FNBP4: variants seen among roughly 807,000 people sequenced by gnomAD.
FNBP4 encodes the protein formin binding protein 4, also known as formin-binding protein 4.
A neutral mutation model predicts 119.3 loss-of-function variants in FNBP4; 34 were observed. That is an observed-to-expected ratio of 0.28 (90% CI 0.22 to 0.38). FNBP4 has a LOEUF of 0.38. Ranked by LOEUF, FNBP4 falls within the 10% of genes least tolerant of loss-of-function variation. The pLI is 1.00. For synonymous variants in FNBP4, 462 were observed against 430.6 expected (o/e 1.07, Z -0.90); for missense variants, 1,112 against 1,228.9 (o/e 0.90, Z 1.42).
At chr11:47,754,209 GAA>G (rs540739941) in intron 3 of FNBP4, among the ~76,000 whole-genome samples, 7 of 108,182 alleles carry the variant, frequency 6.5e-5, no homozygotes, top group Admixed American at 2.0e-4. Context: ...TCTATCTCAA[GAA>G]AAAAAAAAAA....
rs565334113 is a variant in FNBP4, at chr11:47,749,253, A to G, written c.906+1663T>C. Among the ~76,000 whole-genome samples, 3 of 152,196 alleles carry G rather than the reference A, an allele frequency of 2.0e-5. No homozygotes were observed. In the East Asian group the frequency reaches 5.8e-4, roughly 29 times the overall value. ...GCCACTGTACTCTAGCCTGGGTGAC[A>G]GAGTCAGATCCTGTCTCAAAAATAA... On this transcript the variant is annotated intron_variant, in intron 6 of 16. Coordinates refer to ENST00000263773, the MANE Select transcript of FNBP4 (RefSeq NM_015308.5).
In FNBP4 at chr11:47,760,012, T is replaced by C. The variant is rs1599261464; in HGVS notation, c.313+5258A>G. Among the ~76,000 whole-genome samples the C allele has an allele frequency of 2.0e-5, 3 of 152,254 alleles. No individual in the cohort carries two copies. The South Asian group carries it at 6.2e-4, about 32-fold the overall frequency. ...ATGACAATCATAGATATAATCACTT[T>C]CAGTAAAAAGTTTCAATCAGGTAAG... On this transcript the variant is annotated intron_variant, in intron 2 of 16. Coordinates refer to ENST00000263773, the MANE Select transcript of FNBP4 (RefSeq NM_015308.5).
chr11:47,744,108 C>A lies in FNBP4; in HGVS notation c.1301G>T (p.Arg434Leu). Residue 434 changes from arginine to leucine, a missense_variant, in exon 8 of 17, where the codon CGT becomes CTT. By Grantham distance (102) the Arg-to-Leu change is moderately radical. Around this residue, in one of 2 missense-constraint regions of FNBP4, gnomAD observed 826 missense variants for 988.8 expected, o/e 0.84. Transcript: ENST00000263773. ...GDGSVSGSSPRSDISQPASQD... is the reference protein window; with the variant it reads ...GDGSVSGSSPLSDISQPASQD... ...AGATGCTGGCTGGCTGATATCAGAACGTGGACTAGACCCTGACACACTACC... is the reference window on the plus strand; with the variant it reads ...AGATGCTGGCTGGCTGATATCAGAAAGTGGACTAGACCCTGACACACTACC... 1 of 1,614,114 alleles carries A rather than the reference C, an allele frequency of 6.2e-7. No individual in the cohort carries two copies. The highest frequency in any genetic ancestry group is 8.5e-7 in the Non-Finnish European group (1 of 1,180,016).
chr11:47,756,406 C>T (rs985741898), intron 2 of FNBP4, among the ~76,000 whole-genome samples: 1 of 152,126 alleles, frequency 6.6e-6, no homozygotes, highest in African/African-American at 2.4e-5. Flanking sequence ...TTTTGTGTGT[C>T]ATACATCCCA....
rs1167976570 is a variant in FNBP4 at position 47,765,851 on chromosome 11, C to CTTTTTTTTTTTT, written c.221-501_221-490dup. On this transcript the variant is annotated intron_variant, in intron 1 of 16. Coordinates refer to ENST00000263773, the MANE Select transcript of FNBP4 (RefSeq NM_015308.5). ...GAGATAATAAACACAGAGCTGGAAT[C>CTTTTTTTTTTTT]TTTTTTTTTTTTTTTTTTTGAGACG... 4.9e-4 allele frequency among the ~76,000 whole-genome samples: 40 copies of CTTTTTTTTTTTT among 82,192 alleles called. 3 individuals are homozygous for CTTTTTTTTTTTT. Among genetic ancestry groups the CTTTTTTTTTTTT allele is most frequent in the Non-Finnish European group, 6.8e-4 (31 of 45,818 alleles). The allele number at this position is 82,192 out of a possible 152,430, so 53.9% of individuals were successfully genotyped here. A position where few individuals can be genotyped will look rare whatever the true frequency, so the allele number is the denominator to read the frequency against.
chr11:47,736,852 C>A, intron 8 of FNBP4, 112 bp from the exon 9 acceptor site: 1 of 1,016,762 alleles, frequency 9.8e-7, no homozygotes, highest in Non-Finnish European at 1.4e-6. Flanking sequence ...TTCTCTCTTG[C>A]CTGTTTTACT....
At chr11:47,736,239 T>C (rs1250007696) in intron 9 of FNBP4, among the ~76,000 whole-genome samples, 2 of 101,616 alleles carry the variant, frequency 2.0e-5, no homozygotes, top group Non-Finnish European at 4.1e-5. Flanking sequence ...ACACTCTCTC[T>C]TGGGAAAAAA....
chr11:47,740,746 C>T (rs542103700), intron 8 of FNBP4, among the ~76,000 whole-genome samples: 3 of 151,656 alleles, frequency 2.0e-5, no homozygotes, highest in Non-Finnish European at 4.4e-5. Flanking sequence ...GCGAGCACCA[C>T]CAGGTGCAGA....
At position 47,746,405 on chromosome 11, in the gene FNBP4, CA is replaced by C; in HGVS notation, c.907-12del. 2 of 1,570,984 alleles carry C rather than the reference CA, an allele frequency of 1.3e-6. No individual in the cohort carries two copies. On this transcript the variant is annotated splice_polypyrimidine_tract_variant and intron_variant, in intron 6 of 16. Coordinates refer to ENST00000263773, the MANE Select transcript of FNBP4 (RefSeq NM_015308.5). ...TCCTTCATTTACTTCCTATAAAGAA[CA>C]AAATAATTTAGTCTCATTTAATTCT...
In FNBP4 at chr11:47,767,134, G is replaced by A. The variant is rs1216508475; in HGVS notation, c.155C>T (p.Ser52Leu). ...CGCGGTGGTGGTGGTCGTCGCCGCCGACGGGGCGGGCTGGCTGGGGACCGC... is the reference window on the plus strand; with the variant it reads ...CGCGGTGGTGGTGGTCGTCGCCGCCAACGGGGCGGGCTGGCTGGGGACCGC... ...TAAVPSQPAP[S>L]AATTTTTAVT... is the part of the protein sequence containing the mutation. Residue 52 changes from serine (S) to leucine (L), a missense_variant, in exon 1 of 17, where the codon TCG becomes TTG. Coordinates refer to ENST00000263773, the MANE Select transcript of FNBP4 (RefSeq NM_015308.5). The A allele has an allele frequency of 1.3e-6, 2 of 1,542,992 alleles. No individual in the cohort carries two copies. The highest frequency in any genetic ancestry group is 1.2e-5 in the South Asian group (1 of 84,198).
chr11:47,736,774 AC>A, intron 8 of FNBP4, 34 bp from the exon 9 acceptor site: 1 of 1,558,852 alleles, frequency 6.4e-7, no homozygotes, highest in Non-Finnish European at 8.8e-7. Context: ...AAACCAAAGT[AC>A]CAATACTTAT....
intron 2 of FNBP4, among the ~76,000 whole-genome samples, chr11:47,761,954 T>C (rs534384949): frequency 6.6e-5 from 10 of 151,654 alleles, no homozygotes; most frequent in Non-Finnish European, 1.5e-4. Context: ...TTTTCCTGCC[T>C]CAGCCTCCTA....
intron 15 of FNBP4, among the ~76,000 whole-genome samples, chr11:47,722,198 G>C (rs1286404116): frequency 6.7e-6 from 1 of 149,468 alleles, no homozygotes; most frequent in Non-Finnish European, 1.5e-5. Flanking sequence ...CCCCTAGGGA[G>C]AGTATCTGAC....
At chr11:47,717,825 C>T (rs1264004813) in intron 16 of FNBP4, among the ~76,000 whole-genome samples, 6 of 151,734 alleles carry the variant, frequency 4.0e-5, no homozygotes, top group Admixed American at 1.3e-4. Flanking sequence ...CTCGGCTCAC[C>T]GCAACCTCCG....
chr11:47,746,008 A>G, intron 7 of FNBP4, 48 bp downstream of exon 7: 1 of 1,427,946 alleles, frequency 7.0e-7, no homozygotes, highest in Non-Finnish European at 9.6e-7. Context: ...ATCCCTGTAG[A>G]GTAGTACTGA....
At chr11:47,718,268 C>A (rs2097551781) in intron 16 of FNBP4, among the ~76,000 whole-genome samples, 1 of 151,948 alleles carries the variant, frequency 6.6e-6, no homozygotes, top group Admixed American at 6.6e-5. Flanking sequence ...GACTGGAGTG[C>A]AGTGGCACAA....
At chr11:47,720,849 G>A (rs562107420) in intron 15 of FNBP4, among the ~76,000 whole-genome samples, 4 of 151,824 alleles carry the variant, frequency 2.6e-5, no homozygotes, top group Non-Finnish European at 4.4e-5. Context: ...CGGTGGCGGC[G>A]GCGGTGGGCG....
chr11:47,762,729 A>G (rs1055104954), intron 2 of FNBP4, among the ~76,000 whole-genome samples: 1 of 151,494 alleles, frequency 6.6e-6, no homozygotes, highest in Admixed American at 6.6e-5. Flanking sequence ...CCTGGCCAAC[A>G]TGGTGAACCG....
chr11:47,740,861 A>G (rs1188544511), intron 8 of FNBP4, among the ~76,000 whole-genome samples: 3 of 150,656 alleles, frequency 2.0e-5, no homozygotes, highest in African/African-American at 7.4e-5. Context: ...AAGTGCTGGG[A>G]TTACAGGCAT....
Sources: allele counts gnomAD v4.1 joint callset (sites outside exome capture counted in the v4.1 genomes callset), GRCh38; gene constraint gnomAD v4.1.1; regional missense constraint gnomAD v4.1.1; transcripts MANE v1.5; gene names NCBI Gene and HGNC (gene_info 2026-07-23, HGNC 2026-07-21).